RBFOX1: variants seen among roughly 807,000 people sequenced by gnomAD.
RBFOX1 encodes RNA binding fox-1 homolog 1.
A neutral mutation model predicts 57.7 loss-of-function variants in RBFOX1; 8 were observed. The observed-to-expected ratio is 0.14, with a 90% confidence interval of 0.08 to 0.25. RBFOX1 has a LOEUF of 0.25. Among genes scored for constraint, RBFOX1 ranks in the 10% least tolerant of loss-of-function variants. The pLI, the probability that RBFOX1 is intolerant of heterozygous loss-of-function variation, is 1.00. For missense variants in RBFOX1, 611 were observed against 548.5 expected (o/e 1.11, Z -1.14); for synonymous variants, 326 against 222.4 (o/e 1.47, Z -4.15).
chr16:5,702,272 C>A (rs184871213), intron 3 of RBFOX1, among the ~76,000 whole-genome samples: 4 of 152,178 alleles, frequency 2.6e-5, no homozygotes, highest in Non-Finnish European at 5.9e-5. Flanking sequence ...GCCCCTTCTT[C>A]ACATGCCGGC....
At chr16:6,512,824 C>T (rs1350537582) in intron 2 of RBFOX1, among the ~76,000 whole-genome samples, 1 of 152,168 alleles carries the variant, frequency 6.6e-6, no homozygotes, top group Non-Finnish European at 1.5e-5. Flanking sequence ...CTAAGCTTTG[C>T]TCTAGGTCAA....
chr16:5,723,196 G>A (rs1026826136), intron 3 of RBFOX1, among the ~76,000 whole-genome samples: 15 of 152,156 alleles, frequency 9.9e-5, no homozygotes, highest in Admixed American at 6.5e-4. Context: ...GAATCACAAC[G>A]GGATCCTCCT....
Position 6,550,633 on chromosome 16 carries a change from C to T in RBFOX1, c.-63-103970C>T, listed in dbSNP as rs1443370900. 3.3e-5 allele frequency among the ~76,000 whole-genome samples: 5 copies of T among 152,208 alleles called. No individual in the cohort carries two copies. In the South Asian group the frequency reaches 6.2e-4, roughly 19 times the overall value. ...GTGCCACTGTGCCCAGCCTTCATGG[C>T]ACACTTCTAATTCTTTCCTTCTTCA... is the stretch of plus-strand genomic sequence containing the variant. On this transcript the variant is annotated intron_variant, in intron 2 of 15. Transcript: ENST00000550418.
At chr16:5,890,960 A>G (rs540442247) in intron 4 of RBFOX1, among the ~76,000 whole-genome samples, 2 of 152,152 alleles carry the variant, frequency 1.3e-5, no homozygotes, top group African/African-American at 4.8e-5. Flanking sequence ...CTGGATCTGA[A>G]TTTCTCAGTC....
At chr16:6,388,949 A>G (rs1257475940) in intron 2 of RBFOX1, among the ~76,000 whole-genome samples, 2 of 152,124 alleles carry the variant, frequency 1.3e-5, no homozygotes, top group Admixed American at 1.3e-4. Context: ...AGAGTTCAGG[A>G]GATGTTGGAC....
chr16:6,088,192 T>C (rs1039060912), intron 1 of RBFOX1, among the ~76,000 whole-genome samples: 3 of 152,148 alleles, frequency 2.0e-5, no homozygotes, highest in Non-Finnish European at 2.9e-5. Flanking sequence ...GTTACTTTTT[T>C]TCTTTCATTT....
At chr16:6,261,933 G>A (rs567825249) in intron 1 of RBFOX1, among the ~76,000 whole-genome samples, 108 of 152,232 alleles carry the variant, frequency 7.1e-4, no homozygotes, top group Non-Finnish European at 1.1e-3. Flanking sequence ...GGGAGGCTGA[G>A]GCATGAGAGT....
intron 5 of RBFOX1, among the ~76,000 whole-genome samples, chr16:7,564,145 G>C (rs1193007754): frequency 1.3e-5 from 2 of 152,080 alleles, no homozygotes; most frequent in African/African-American, 4.8e-5. Context: ...AAGGTAATTA[G>C]GTTAATTTAA....
chr16:7,700,174 G>A (rs537537321), intron 14 of RBFOX1, among the ~76,000 whole-genome samples: 1 of 151,990 alleles, frequency 6.6e-6, no homozygotes, highest in South Asian at 2.1e-4. Flanking sequence ...TCTGACACAT[G>A]TACCCCTGGG....
chr16:5,919,591 G>A (rs1488375316), intron 4 of RBFOX1, among the ~76,000 whole-genome samples: 1 of 152,128 alleles, frequency 6.6e-6, no homozygotes, highest in African/African-American at 2.4e-5. Flanking sequence ...TGATCCGCAT[G>A]CCTCGGCCTC....
intron 3 of RBFOX1, among the ~76,000 whole-genome samples, chr16:7,029,795 G>T (rs767520687): frequency 6.6e-6 from 1 of 152,294 alleles, no homozygotes; most frequent in East Asian, 1.9e-4. Flanking sequence ...ATCTTCACAT[G>T]AATCTGGACA....
chr16:6,247,947 C>T (rs2097578538), intron 1 of RBFOX1, among the ~76,000 whole-genome samples: 1 of 152,168 alleles, frequency 6.6e-6, no homozygotes, highest in Non-Finnish European at 1.5e-5. Context: ...CTGGGATCAT[C>T]CCATATTGAG....
chr16:6,523,419 G>C (rs1477231078), intron 2 of RBFOX1, among the ~76,000 whole-genome samples: 5 of 152,046 alleles, frequency 3.3e-5, no homozygotes, highest in East Asian at 1.9e-4. Context: ...CAATGTTAAC[G>C]GTCATTGAAC....
intron 11 of RBFOX1, among the ~76,000 whole-genome samples, chr16:7,640,169 G>C (rs568049065): frequency 2.6e-5 from 4 of 152,246 alleles, no homozygotes; most frequent in East Asian, 3.9e-4. Flanking sequence ...TTCTTCATCC[G>C]TGTGTTGTTT....
intron 14 of RBFOX1, among the ~76,000 whole-genome samples, chr16:7,704,959 G>T (rs540622529): frequency 6.6e-6 from 1 of 150,818 alleles, no homozygotes; most frequent in Non-Finnish European, 1.5e-5. Context: ...AGGCAGAATC[G>T]CTTGAACCCA....
intron 2 of RBFOX1, chr16:5,467,288 T>G (rs1365125001): frequency 6.8e-7 from 1 of 1,462,852 alleles, no homozygotes; most frequent in African/African-American, 1.4e-5. Flanking sequence ...TTAGGATGTC[T>G]GTGAAGTCTA....
At chr16:7,707,199 G>C (rs563525974) in intron 14 of RBFOX1, among the ~76,000 whole-genome samples, 1 of 152,186 alleles carries the variant, frequency 6.6e-6, no homozygotes, top group East Asian at 1.9e-4. Context: ...AGATGGGCTT[G>C]AGAGTTGGAA....
chr16:6,238,733 T>G (rs1314746722), intron 1 of RBFOX1, among the ~76,000 whole-genome samples: 6 of 152,202 alleles, frequency 3.9e-5, no homozygotes, highest in Non-Finnish European at 8.8e-5. Flanking sequence ...CTTGTTACAT[T>G]TTTCTGACTG....
chr16:6,637,181 T>C (rs1280343656), intron 2 of RBFOX1, among the ~76,000 whole-genome samples: 3 of 75,550 alleles, frequency 4.0e-5, no homozygotes, highest in African/African-American at 1.6e-4. Context: ...ATATATTATA[T>C]AATATACAAT....
Sources: allele counts gnomAD v4.1 joint callset (sites outside exome capture counted in the v4.1 genomes callset), GRCh38; gene constraint gnomAD v4.1.1; transcripts MANE v1.5; gene names NCBI Gene and HGNC (gene_info 2026-07-23, HGNC 2026-07-21).